ERICH1: variants seen among roughly 807,000 people sequenced by gnomAD.
The protein encoded by ERICH1 is glutamate-rich protein 1.
ERICH1 carries 56 observed loss-of-function variants against 39.6 expected under a neutral mutation model. That is an observed-to-expected ratio of 1.41 (90% confidence interval 1.14 to 1.77). ERICH1 has a LOEUF of 1.77. Ranked by LOEUF, ERICH1 falls within the 40% of genes most tolerant of loss-of-function variation. The pLI is 0.00. For synonymous variants in ERICH1, 313 were observed against 223.6 expected (o/e 1.40, Z -3.57); for missense variants, 826 against 575.4 (o/e 1.44, Z -4.45).
chr8:616,423 C>T (rs1584918993), intron 3 of ERICH1: 1 of 422,070 alleles, frequency 2.4e-6, no homozygotes, highest in South Asian at 1.7e-5. Flanking sequence ...TGACCGAACC[C>T]CGCACACCCC....
At chr8:626,650 T>C (rs1797607863) in intron 3 of ERICH1, 1 of 159,902 alleles carries the variant, frequency 6.3e-6, no homozygotes, top group Non-Finnish European at 1.4e-5. Flanking sequence ...CTCCTAAACA[T>C]GGAACTGTGG....
rs1384500817 is a variant in ERICH1, at chr8:699,943, ACACGCGCACAGGCCCG to A, written c.170-7347_170-7332del. ...GGCCCGCACAGGCGCACAGACCCGC[ACACGCGCACAGGCCCG>A]CACACGCGCACAGACCCGCACACGC... On this transcript the variant is annotated intron_variant, in intron 2 of 5. Coordinates refer to ENST00000262109, the MANE Select transcript of ERICH1 (RefSeq NM_207332.3). Among the ~76,000 whole-genome samples, 6 of 133,922 alleles carry A rather than the reference ACACGCGCACAGGCCCG, an allele frequency of 4.5e-5. No homozygotes were observed. In the East Asian group the frequency reaches 7.4e-4, roughly 16 times the overall value. The allele number at this position is 133,922 out of a possible 152,430, so 87.9% of individuals were successfully genotyped here.
chr8:642,260 A>G (rs13439095), intron 3 of ERICH1, among the ~76,000 whole-genome samples: 31,006 of 151,416 alleles, frequency 0.2, 3,470 homozygotes, highest in Middle Eastern at 0.32. Context: ...GCTAACTGCA[A>G]TTTGCTTTGC....
At chr8:650,002 G>A (rs1336743166) in intron 3 of ERICH1, among the ~76,000 whole-genome samples, 2 of 152,210 alleles carry the variant, frequency 1.3e-5, no homozygotes, top group Admixed American at 6.5e-5. Flanking sequence ...TGAGCACCCC[G>A]GACCGCGCCC....
intron 2 of ERICH1, among the ~76,000 whole-genome samples, chr8:713,754 A>G (rs1024002085): frequency 4.6e-5 from 7 of 152,178 alleles, no homozygotes; most frequent in Non-Finnish European, 7.4e-5. Context: ...GCGCAGCTCC[A>G]TTATAAGGTG....
At chr8:622,489 T>C (rs1797346415) in intron 3 of ERICH1, among the ~76,000 whole-genome samples, 1 of 152,196 alleles carries the variant, frequency 6.6e-6, no homozygotes, top group East Asian at 1.9e-4. Context: ...GAAGCTTTTC[T>C]AGATACTAAA....
At chr8:686,868 C>CAGCGTGACAAGAATGA (rs1331816667) in intron 3 of ERICH1, 1 of 152,244 alleles carries the variant, frequency 6.6e-6, no homozygotes. Flanking sequence ...ATCAATAAAT[C>CAGCGTGACAAGAATGA]AGCGTGACAA....
At chr8:638,929 C>A (rs1309825447) in intron 3 of ERICH1, among the ~76,000 whole-genome samples, 1 of 152,140 alleles carries the variant, frequency 6.6e-6, no homozygotes, top group African/African-American at 2.4e-5. Context: ...TCCCTCCTGA[C>A]AAGACAGTTT....
intron 2 of ERICH1, among the ~76,000 whole-genome samples, chr8:710,855 G>A (rs914491642): frequency 6.6e-6 from 1 of 152,212 alleles, no homozygotes; most frequent in African/African-American, 2.4e-5. Context: ...CAGGTTTATT[G>A]ACGTTTTCCA....
At chr8:694,622 T>C (rs1231927533) in intron 2 of ERICH1, among the ~76,000 whole-genome samples, 2 of 152,188 alleles carry the variant, frequency 1.3e-5, no homozygotes, top group Non-Finnish European at 2.9e-5. Flanking sequence ...CCTGCGACAG[T>C]CACAGGCACC....
chr8:645,173 C>T (rs1444204987), intron 3 of ERICH1, among the ~76,000 whole-genome samples: 1 of 68,444 alleles, frequency 1.5e-5, no homozygotes, highest in African/African-American at 3.7e-5. Context: ...AGGGAAGACC[C>T]CTTTCCCTCG....
At chr8:712,056 A>T (rs1355159462) in intron 2 of ERICH1, among the ~76,000 whole-genome samples, 3 of 152,170 alleles carry the variant, frequency 2.0e-5, no homozygotes, top group African/African-American at 7.2e-5. Flanking sequence ...ATTTCTGGTA[A>T]GTAACTCTTG....
intron 3 of ERICH1, among the ~76,000 whole-genome samples, chr8:636,631 A>T (rs1014491277): frequency 6.6e-6 from 1 of 152,208 alleles, no homozygotes; most frequent in Non-Finnish European, 1.5e-5. Context: ...AATGCACAAC[A>T]GCAGACAGGA....
chr8:647,915 T>C lies in ERICH1; in HGVS notation c.976+20683A>G, dbSNP rs1486218791. Among the ~76,000 whole-genome samples the C allele has an allele frequency of 1.5e-4, 10 of 67,726 alleles. 4 individuals carry two copies. The highest frequency in any genetic ancestry group is 3.7e-4 in the Admixed American group (3 of 8,020). 44.4% of individuals were successfully genotyped at this position (67,726 alleles called of 152,430 possible). On this transcript the variant is annotated intron_variant, in intron 3 of 3. Transcript: ENST00000522706. ...GTCTCTCCCCAAGGCTGAAGTTACA[T>C]GGCTGTGTGCGCCTGCAAGTTAAAA... is the stretch of plus-strand genomic sequence containing the variant.
At chr8:635,803 T>C (rs1204253412) in intron 3 of ERICH1, among the ~76,000 whole-genome samples, 1 of 152,196 alleles carries the variant, frequency 6.6e-6, no homozygotes, top group South Asian at 2.1e-4. Context: ...TCCACATGCG[T>C]GCTGCACCCC....
chr8:712,418 C>T (rs1216625130), intron 2 of ERICH1, among the ~76,000 whole-genome samples: 3 of 143,074 alleles, frequency 2.1e-5, no homozygotes, highest in African/African-American at 2.4e-5. Context: ...ATAAATGATA[C>T]CGTGTTTTGT....
At chr8:728,561 GA>G (rs1819326236) in intron 1 of ERICH1, among the ~76,000 whole-genome samples, 1 of 152,204 alleles carries the variant, frequency 6.6e-6, no homozygotes, top group Non-Finnish European at 1.5e-5. Context: ...CTATATGCCA[GA>G]AACAGCCCGA....
At chr8:710,744 G>A (rs1017395124) in intron 2 of ERICH1, among the ~76,000 whole-genome samples, 1 of 152,184 alleles carries the variant, frequency 6.6e-6, no homozygotes, top group South Asian at 2.1e-4. Flanking sequence ...TCCGTTGTCT[G>A]GATGTACCAC....
In ERICH1 at chr8:689,862, T is replaced by C. The variant is rs181016031; in HGVS notation, c.304+2616A>G. The stretch of plus-strand genomic sequence containing the variant: ...ATGTCCACATCACTGTAATAGACTC[T>C]GTAAATTCATGTAGGGCAGTGTTCC... On this transcript the variant is annotated intron_variant, in intron 3 of 5. Coordinates refer to ENST00000262109, the MANE Select transcript of ERICH1 (RefSeq NM_207332.3). Among the ~76,000 whole-genome samples the C allele has an allele frequency of 2.0e-4, 30 of 152,324 alleles. No homozygotes were observed. In the East Asian group the frequency reaches 4.1e-3, roughly 21 times the overall value.
Sources: gnomAD v4.1 joint callset for allele counts (sites outside exome capture counted in the v4.1 genomes callset) on GRCh38, gnomAD v4.1.1 for gene constraint, MANE v1.5 for transcripts, NCBI Gene and HGNC (gene_info 2026-07-23, HGNC 2026-07-21) for gene names.